ABLIM1: variants seen among roughly 807,000 people sequenced by gnomAD.
ABLIM1 encodes actin binding LIM protein 1, also known as actin-binding LIM protein 1.
In ABLIM1, 40 loss-of-function variants were observed where a neutral mutation model predicts 107.0. That is an observed-to-expected ratio of 0.37 (90% CI 0.29 to 0.49). The LOEUF (loss-of-function observed/expected upper bound fraction) is 0.49, where lower values mean the gene tolerates loss of function less well. Among genes scored for constraint, ABLIM1 ranks in the 20% least tolerant of loss-of-function variants. The pLI, the probability that ABLIM1 is intolerant of heterozygous loss-of-function variation, is 0.97. For synonymous variants in ABLIM1, 357 were observed against 357.3 expected, an observed-to-expected ratio of 1.00 and a Z score of 0.01; for missense variants, 857 against 1,008.5, an observed-to-expected ratio of 0.85 and a Z score of 2.04.
intron 1 of ABLIM1, among the ~76,000 whole-genome samples, chr10:114,730,224 C>T (rs912010459): frequency 2.6e-5 from 4 of 151,732 alleles, no homozygotes; most frequent in Non-Finnish European, 4.4e-5. Flanking sequence ...ATGGTGAAAC[C>T]CCATCTCTAC....
chr10:114,615,407 G>A (rs1057072107), intron 1 of ABLIM1, among the ~76,000 whole-genome samples: 2 of 152,114 alleles, frequency 1.3e-5, no homozygotes, highest in African/African-American at 2.4e-5. Context: ...CAAGCTTCTA[G>A]GTCACCTCCT....
chr10:114,740,124 CTA>C (rs938219195), intron 1 of ABLIM1, among the ~76,000 whole-genome samples: 4 of 152,092 alleles, frequency 2.6e-5, no homozygotes, highest in African/African-American at 9.7e-5. Flanking sequence ...TGTGTCTAGG[CTA>C]TACATGGAGA....
At chr10:114,515,309 C>G (rs2062635064) in intron 6 of ABLIM1, among the ~76,000 whole-genome samples, 1 of 137,836 alleles carries the variant, frequency 7.3e-6, no homozygotes, top group Non-Finnish European at 1.6e-5. Flanking sequence ...CTCCCGTGAC[C>G]CTCTCCCTGG....
At chr10:114,538,660 A>G (rs1379601799) in intron 6 of ABLIM1, among the ~76,000 whole-genome samples, 2 of 152,214 alleles carry the variant, frequency 1.3e-5, no homozygotes, top group South Asian at 2.1e-4. Flanking sequence ...TGGGACTCAG[A>G]GCCCCGCCCT....
In ABLIM1 at chr10:114,431,134, A is replaced by G. The variant is rs753165888; in HGVS notation, c.*5126T>C. ...ATCTACGAATAAAGCACACAACTTTATTCACGAAGTTGTGAGTATGACAGT... is the reference window on the plus strand; with the variant it reads ...ATCTACGAATAAAGCACACAACTTTGTTCACGAAGTTGTGAGTATGACAGT... On this transcript the variant is annotated 3_prime_UTR_variant, in exon 23 of 23. Coordinates refer to ENST00000533213, the MANE Select transcript of ABLIM1 (RefSeq NM_002313.7). 1.2e-4 allele frequency: 18 copies of G among 152,256 alleles called. No homozygotes were observed. Among genetic ancestry groups the G allele is most frequent in the Non-Finnish European group, 2.5e-4 (17 of 68,036 alleles). The allele number at this position is 152,256 out of a possible 1,614,324, so 9.4% of individuals were successfully genotyped here.
intron 2 of ABLIM1, among the ~76,000 whole-genome samples, chr10:114,586,586 T>G (rs950674032): frequency 2.3e-4 from 35 of 152,320 alleles, no homozygotes; most frequent in African/African-American, 8.2e-4. Flanking sequence ...AAAGCATTTG[T>G]TTTACATGTA....
chr10:114,451,734 A>G (rs1005894467), intron 13 of ABLIM1, 63 bp from the exon 14 acceptor site: 126 of 1,386,404 alleles, frequency 9.1e-5, no homozygotes, highest in Non-Finnish European at 1.3e-5. Context: ...GGAAAAACAG[A>G]TCAACCAAGG....
intron 9 of ABLIM1, among the ~76,000 whole-genome samples, 178 bp from the exon 10 acceptor site, chr10:114,473,310 T>A (rs1565458161): frequency 6.6e-6 from 1 of 152,194 alleles, no homozygotes; most frequent in Non-Finnish European, 1.5e-5. Flanking sequence ...ATATTAATCA[T>A]GTTTTTTTAA....
chr10:114,728,290 G>T (rs1042391709), intron 1 of ABLIM1, among the ~76,000 whole-genome samples: 1 of 152,138 alleles, frequency 6.6e-6, no homozygotes, highest in Admixed American at 6.5e-5. Flanking sequence ...ACCCACACAG[G>T]CACTCTGAAG....
chr10:114,576,469 A>G (rs754016888), intron 2 of ABLIM1, among the ~76,000 whole-genome samples: 3 of 152,180 alleles, frequency 2.0e-5, no homozygotes, highest in African/African-American at 4.8e-5. Flanking sequence ...TCCAATTTAT[A>G]ATTCCTTAGG....
intron 8 of ABLIM1, among the ~76,000 whole-genome samples, chr10:114,475,802 T>C (rs1196274741): frequency 6.6e-6 from 1 of 152,176 alleles, no homozygotes; most frequent in East Asian, 1.9e-4. Context: ...CCTGCTTCTG[T>C]TTAACATATT....
At chr10:114,754,170 G>C (rs2082580135) in intron 1 of ABLIM1, among the ~76,000 whole-genome samples, 1 of 152,116 alleles carries the variant, frequency 6.6e-6, no homozygotes, top group Non-Finnish European at 1.5e-5. Flanking sequence ...AGGTTTAAGA[G>C]AACAAACCTA....
intron 6 of ABLIM1, among the ~76,000 whole-genome samples, chr10:114,535,348 T>C (rs2065887290): frequency 6.6e-6 from 1 of 152,142 alleles, no homozygotes; most frequent in Non-Finnish European, 1.5e-5. Flanking sequence ...TCTTGCTCTG[T>C]TGCCCAGGCT....
intron 1 of ABLIM1, among the ~76,000 whole-genome samples, chr10:114,637,034 T>TC (rs2078514675): frequency 7.2e-5 from 6 of 82,778 alleles, no homozygotes; most frequent in Admixed American, 1.3e-4. Context: ...CGCTGTCTCT[T>TC]TAAAAAAAAA....
At chr10:114,798,677 G>C in the ABLIM1 span, among the ~76,000 whole-genome samples, 1 of 152,062 alleles carries the variant, frequency 6.6e-6, no homozygotes, top group Non-Finnish European at 1.5e-5. Flanking sequence ...GGAGTTCGAG[G>C]ATGCTGTGAG....
chr10:114,490,998 G>GTATATATATA (rs2058860833), intron 7 of ABLIM1, among the ~76,000 whole-genome samples: 1 of 82,188 alleles, frequency 1.2e-5, no homozygotes, highest in Non-Finnish European at 2.1e-5. Context: ...GTGTGTGTGT[G>GTATATATATA]TGTGTGTGTG....
At chr10:114,637,015 A>G (rs1436201119) in intron 1 of ABLIM1, among the ~76,000 whole-genome samples, 1 of 148,194 alleles carries the variant, frequency 6.7e-6, no homozygotes, top group Non-Finnish European at 1.5e-5. Context: ...CCGGGGCAAC[A>G]GAGTGAGACG....
chr10:114,590,517 T>C (rs1351924733), intron 2 of ABLIM1, among the ~76,000 whole-genome samples: 1 of 152,206 alleles, frequency 6.6e-6, no homozygotes, highest in Non-Finnish European at 1.5e-5. Context: ...TATTTCCTGA[T>C]ACTTGATATC....
chr10:114,491,814 T>C lies in ABLIM1; in HGVS notation c.959A>G (p.Glu320Gly). ...RCSRCNQMFTEGEEMYLQGST... is the reference protein window; with the variant it reads ...RCSRCNQMFTGGEEMYLQGST... The stretch of plus-strand genomic sequence containing the variant: ...ACCTTGAAGATACATTTCCTCTCCT[T>C]CTGTGAACATCTGGTTGCATCTGCT... The change falls in exon 7 of 23, where the codon GAA becomes GGA. Residue 320 changes from glutamate to glycine, a missense_variant. Transcript: ENST00000533213. The C allele has an allele frequency of 6.2e-7, 1 of 1,612,292 alleles. No homozygotes were observed. Among genetic ancestry groups the C allele is most frequent in the Non-Finnish European group, 8.5e-7 (1 of 1,178,514 alleles).
Sources: gnomAD v4.1 joint callset for allele counts (sites outside exome capture counted in the v4.1 genomes callset) on GRCh38, gnomAD v4.1.1 for gene constraint, MANE v1.5 for transcripts, NCBI Gene and HGNC (gene_info 2026-07-23, HGNC 2026-07-21) for gene names.